Variants in TPTE observed in about 807,000 individuals in gnomAD.
TPTE encodes the protein putative tyrosine-protein phosphatase TPTE.
TPTE carries 59 observed loss-of-function variants against 84.1 expected under a neutral mutation model. That is an observed-to-expected ratio of 0.70 (90% confidence interval 0.57 to 0.87). The LOEUF is 0.87. Among genes scored for constraint, TPTE ranks in the 40% least tolerant of loss-of-function variants. The pLI is 0.00. For synonymous variants in TPTE, 130 were observed against 223.5 expected, an observed-to-expected ratio of 0.58 and a Z score of 3.73; for missense variants, 382 against 659.6, an observed-to-expected ratio of 0.58 and a Z score of 4.61.
At chr21:10,562,345 A>G (rs2074825210) in intron 10 of TPTE, among the ~76,000 whole-genome samples, 1 of 152,306 alleles carries the variant, frequency 6.6e-6, no homozygotes. Context: ...TTCAATGCCC[A>G]GACACCAAAG....
chr21:10,522,226 C>G (rs1179697834), intron 1 of TPTE, among the ~76,000 whole-genome samples: 1 of 152,288 alleles, frequency 6.6e-6, no homozygotes, highest in Non-Finnish European at 1.5e-5. Flanking sequence ...CTGGCTCCTG[C>G]GCTTCCGCCC....
intron 14 of TPTE, among the ~76,000 whole-genome samples, chr21:10,572,791 T>C (rs2075072398): frequency 6.9e-6 from 1 of 144,578 alleles, no homozygotes; most frequent in Admixed American, 6.7e-5. Context: ...ATGATTACCA[T>C]TGTCAAAAAC....
intron 10 of TPTE, among the ~76,000 whole-genome samples, chr21:10,565,297 C>G (rs1237495241): frequency 7.9e-5 from 12 of 152,300 alleles, no homozygotes; most frequent in African/African-American, 2.9e-4. Flanking sequence ...TTAACCTAAC[C>G]AAAGAAGTGT....
At chr21:10,546,370 G>A (rs2145632014) in intron 7 of TPTE, among the ~76,000 whole-genome samples, 1 of 152,418 alleles carries the variant, frequency 6.6e-6, no homozygotes, top group African/African-American at 2.4e-5. Flanking sequence ...CTTCTCCTTG[G>A]GCCTCCCTAT....
chr21:10,543,787 C>T (rs1409478736), intron 7 of TPTE, among the ~76,000 whole-genome samples: 1 of 152,302 alleles, frequency 6.6e-6, no homozygotes, highest in Non-Finnish European at 1.5e-5. Flanking sequence ...GAGTTTGAGA[C>T]CCTACCATAG....
intron 2 of TPTE, among the ~76,000 whole-genome samples, chr21:10,525,384 G>GT (rs2074060226): frequency 6.6e-6 from 1 of 152,300 alleles, no homozygotes; most frequent in South Asian, 2.1e-4. Context: ...TCCTCATATG[G>GT]TCCTATCTCC....
At chr21:10,583,826 A>C (rs1165358561) in intron 17 of TPTE, among the ~76,000 whole-genome samples, 2 of 152,312 alleles carry the variant, frequency 1.3e-5, no homozygotes, top group African/African-American at 2.4e-5. Context: ...TACTACCCTG[A>C]GGAACATGAA....
intron 3 of TPTE, among the ~76,000 whole-genome samples, chr21:10,532,441 G>T (rs140858859): frequency 7.9e-5 from 12 of 152,420 alleles, no homozygotes; most frequent in African/African-American, 2.6e-4. Context: ...TCTTTGCAAA[G>T]ATACACACTT....
chr21:10,587,805 C>G (rs1267307585), intron 17 of TPTE, among the ~76,000 whole-genome samples: 3 of 152,310 alleles, frequency 2.0e-5, no homozygotes, highest in African/African-American at 7.2e-5. Context: ...CCACCTCAGC[C>G]TCCCAAAGTG....
At chr21:10,539,034 T>C (rs1177317849) in intron 4 of TPTE, among the ~76,000 whole-genome samples, 2 of 152,306 alleles carry the variant, frequency 1.3e-5, no homozygotes, top group Non-Finnish European at 2.9e-5. Context: ...TTGCTTCCTT[T>C]TCTAACGGAG....
chr21:10,524,813 G>A (rs2074050289), intron 2 of TPTE, 125 bp downstream of exon 2: 1 of 152,396 alleles, frequency 6.6e-6, no homozygotes, highest in Non-Finnish European at 1.5e-5. Flanking sequence ...TAGACTGAGA[G>A]CTTTGATATT....
chr21:10,561,463 G>A (rs1312410225), intron 10 of TPTE, among the ~76,000 whole-genome samples: 1 of 150,872 alleles, frequency 6.6e-6, no homozygotes, highest in African/African-American at 2.5e-5. Flanking sequence ...TTGCACTCTA[G>A]CCTGGGTGAC....
At chr21:10,530,636 C>T (rs1443593848) in intron 3 of TPTE, among the ~76,000 whole-genome samples, 6 of 152,304 alleles carry the variant, frequency 3.9e-5, no homozygotes, top group Admixed American at 2.0e-4. Context: ...TATCCTTATG[C>T]CAGACCCCTA....
chr21:10,566,829 T>C (rs2074930691), intron 10 of TPTE, among the ~76,000 whole-genome samples: 1 of 152,292 alleles, frequency 6.6e-6, no homozygotes, highest in African/African-American at 2.4e-5. Flanking sequence ...ATACAAAAAT[T>C]AGCTGGGTGT....
intron 7 of TPTE, among the ~76,000 whole-genome samples, chr21:10,546,066 C>G (rs1446287180): frequency 1.3e-5 from 2 of 152,306 alleles, no homozygotes; most frequent in East Asian, 3.8e-4. Context: ...TCAGATATTA[C>G]TTTTTTGTAA....
At chr21:10,573,503 TCTGTAGTG>T (rs2075087560) in intron 14 of TPTE, among the ~76,000 whole-genome samples, 1 of 152,310 alleles carries the variant, frequency 6.6e-6, no homozygotes, top group Non-Finnish European at 1.5e-5. Flanking sequence ...GTTCTGGTGT[TCTGTAGTG>T]CTGTAGGGTG....
intron 20 of TPTE, among the ~76,000 whole-genome samples, chr21:10,596,526 A>G (rs1197465152): frequency 6.7e-4 from 102 of 151,134 alleles, no homozygotes; most frequent in African/African-American, 2.5e-3. Flanking sequence ...TTTTAGAGGC[A>G]TTTTTTTTCT....
rs1325288760 is a variant in TPTE at position 10,592,319 on chromosome 21, G to A, written c.1116G>A (p.Arg372=). 3.1e-6 allele frequency: 5 copies of A among 1,613,254 alleles called. No homozygotes were observed. Among genetic ancestry groups the A allele is most frequent in the Non-Finnish European group, 2.5e-6 (3 of 1,179,364 alleles). Residue 372 remains arginine (R), a synonymous_variant, in exon 19 of 24, where the codon AGG becomes AGA. Coordinates refer to ENST00000618007, the MANE Select transcript of TPTE (RefSeq NM_199261.4). ...AKESLYYFGE[R]RTDKTHSEKF... ...AAAGCCTGTATTATTTTGGAGAAAG[G>A]CGAACAGATAAAACCCACAGCGAAA...
chr21:10,543,841 TAGC>T (rs1452200153), intron 7 of TPTE, among the ~76,000 whole-genome samples: 2 of 152,296 alleles, frequency 1.3e-5, no homozygotes, highest in Admixed American at 6.5e-5. Context: ...ATGGAGGAGA[TAGC>T]AGCCAATAAG....
Sources: allele counts gnomAD v4.1 joint callset (sites outside exome capture counted in the v4.1 genomes callset), GRCh38; gene constraint gnomAD v4.1.1; transcripts MANE v1.5; gene names NCBI Gene and HGNC (gene_info 2026-07-23, HGNC 2026-07-21).